The following PCNT variants were observed in gnomAD, a reference collection of about 807,000 sequenced individuals.
PCNT encodes pericentrin.
PCNT carries 319 observed loss-of-function variants against 380.4 expected under a neutral mutation model. That is an observed-to-expected ratio of 0.84 (90% CI 0.77 to 0.92). PCNT has a LOEUF of 0.92. PCNT is among the 40% of genes least tolerant of loss of function. The probability of loss-of-function intolerance (pLI) is 0.00; values close to 1 mark genes in which losing one functional copy is unlikely to be tolerated. For missense variants in PCNT, 4,400 were observed against 4,255.3 expected (o/e 1.03, Z -0.95); for synonymous variants, 1,845 against 1,735.2 (o/e 1.06, Z -1.57).
intron 10 of PCNT, among the ~76,000 whole-genome samples, chr21:46,353,751 T>TGTGTGTGTGTGTGTGA (rs59894003): frequency 1.9e-5 from 2 of 104,402 alleles, no homozygotes; most frequent in East Asian, 4.3e-4. Context: ...TGTGTGTGTG[T>TGTGTGTGTGTGTGTGA]GAGAGAGACA....
intron 24 of PCNT, among the ~76,000 whole-genome samples, 161 bp from the exon 25 acceptor site, chr21:46,399,429 G>GGGTCTCCCTGTGCAGCCTGTGGGTCTA (rs2086346841): frequency 1.9e-5 from 2 of 103,182 alleles, no homozygotes; most frequent in African/African-American, 8.8e-5. Context: ...CTTTGCGTCT[G>GGGTCTCCCTGTGCAGCCTGTGGGTCTA]GGTCTCCCTG....
At position 46,328,700 on chromosome 21, in the gene PCNT, A is replaced by G. The variant is rs553956518; in HGVS notation, c.267+2111A>G. 3.3e-3 allele frequency among the ~76,000 whole-genome samples: 496 copies of G among 151,616 alleles called. 4 individuals are homozygous for G. The Middle Eastern group carries it at 0.034, about 10-fold the overall frequency. ...GGTCTTCAACTCCTGACCTCAAGCA[A>G]TCCACCCACCTTGGCCTCCCAAAGT... On this transcript the variant is annotated intron_variant, in intron 2 of 46. Transcript: ENST00000359568.
intron 28 of PCNT, among the ~76,000 whole-genome samples, chr21:46,412,631 T>C (rs2086825293): frequency 1.3e-5 from 2 of 152,210 alleles, no homozygotes; most frequent in Admixed American, 6.5e-5. Context: ...GGGGTCGTCC[T>C]GGGTCGGGGC....
chr21:46,342,101 C>G (rs538250463), intron 3 of PCNT, among the ~76,000 whole-genome samples: 1 of 152,000 alleles, frequency 6.6e-6, no homozygotes, highest in African/African-American at 2.4e-5. Flanking sequence ...ACCGCCATGC[C>G]TGACTAATTT....
At chr21:46,353,039 C>A in intron 9 of PCNT, 65 bp from the exon 10 acceptor site, 2 of 1,343,080 alleles carry the variant, frequency 1.5e-6, no homozygotes, top group Non-Finnish European at 2.1e-6. Flanking sequence ...CAGGCTCTTG[C>A]CTCTCGCCTG....
At chr21:46,387,546 C>T (rs937270974) in intron 17 of PCNT, among the ~76,000 whole-genome samples, 6 of 152,152 alleles carry the variant, frequency 3.9e-5, no homozygotes, top group East Asian at 1.9e-4. Context: ...TGGCTGCAGA[C>T]GCCCTGATGC....
chr21:46,401,376 G>T (rs562524788), intron 25 of PCNT, among the ~76,000 whole-genome samples, 175 bp from the exon 26 acceptor site: 1 of 152,350 alleles, frequency 6.6e-6, no homozygotes, highest in Non-Finnish European at 1.5e-5. Flanking sequence ...TCTGCTGGGA[G>T]GTGGCTGGGT....
chr21:46,445,142 A>G, intron 46 of PCNT, 142 bp from the exon 47 acceptor site: 1 of 717,370 alleles, frequency 1.4e-6, no homozygotes, highest in Non-Finnish European at 2.5e-6. Context: ...CTTAAATATC[A>G]TAATTTAAAC....
At chr21:46,329,628 C>T (rs1168914101) in intron 2 of PCNT, among the ~76,000 whole-genome samples, 1 of 152,202 alleles carries the variant, frequency 6.6e-6, no homozygotes, top group East Asian at 1.9e-4. Context: ...GTGTCACCTC[C>T]TCGTGACCAC....
chr21:46,365,143 C>T (rs2084854088), intron 14 of PCNT, among the ~76,000 whole-genome samples: 1 of 152,196 alleles, frequency 6.6e-6, no homozygotes, highest in African/African-American at 2.4e-5. Flanking sequence ...TATTCATTCA[C>T]TGCCATGGGG....
In PCNT at chr21:46,326,435, C is replaced by CG. The variant is rs969636211; in HGVS notation, c.115dup (p.Ala39GlyfsTer38). On this transcript the variant is annotated frameshift_variant, in exon 2 of 47. Transcript: ENST00000359568. LOFTEE classifies it high-confidence loss of function. ...GACAGTTCGCATTCGGAGAAAAAGA[C>CG]GGCGAAGAGGAAGGGCTCGGCTGTC... is the stretch of plus-strand genomic sequence containing the variant. 6.2e-7 allele frequency: 1 copy of CG among 1,614,062 alleles called. No homozygotes were observed. Among genetic ancestry groups the CG allele is most frequent in the Admixed American group, 1.7e-5 (1 of 59,986 alleles).
At chr21:46,381,236 G>A (rs1202342336) in intron 15 of PCNT, among the ~76,000 whole-genome samples, 1 of 115,132 alleles carries the variant, frequency 8.7e-6, no homozygotes, top group Non-Finnish European at 1.8e-5. Context: ...GTGTGTGTGT[G>A]TGTGTGTGTA....
In PCNT at chr21:46,381,823, A is replaced by G. The variant is rs1301066507; in HGVS notation, c.3295A>G (p.Asn1099Asp). 6.2e-7 allele frequency: 1 copy of G among 1,614,116 alleles called. No homozygotes were observed. The highest frequency in any genetic ancestry group is 8.5e-7 in the Non-Finnish European group (1 of 1,180,044). ...TTTGTCTCTGCAGCTTCAAAAGAAG[A>G]ATCACCAAGTCCAGCAGGTGTGTGG... ...ESLSLQLQKK[N>D]HQVQQLKDQV... Residue 1099 changes from asparagine (N) to aspartate (D), a missense_variant, in exon 16 of 47, where the codon AAT (asparagine) becomes GAT (aspartate). By Grantham distance (23) the Asn-to-Asp change is conservative. Transcript: ENST00000359568.
At position 46,411,655 on chromosome 21, in the gene PCNT, C is replaced by T. The variant is rs373238616; in HGVS notation, c.5582C>T (p.Ala1861Val). 191 of 1,613,046 alleles carry T rather than the reference C, an allele frequency of 1.2e-4. No homozygotes were observed. Among genetic ancestry groups the T allele is most frequent in the Admixed American group, 3.0e-4 (18 of 60,022 alleles). The change falls in exon 28 of 47, where the codon GCG becomes GTG. Residue 1861 changes from alanine to valine, a missense_variant. Ala to Val is a moderately conservative substitution (Grantham distance 64). Coordinates refer to ENST00000359568, the MANE Select transcript of PCNT (RefSeq NM_006031.6). ...DMASRIQEFEAALKAKEATIA... is the reference protein window; with the variant it reads ...DMASRIQEFEVALKAKEATIA... ...GCCTCCCGGATCCAGGAGTTCGAAG[C>T]GGCCCTGAAAGCAAAGGAAGCGACG...
Position 46,416,383 on chromosome 21 carries a change from C to T in PCNT, c.6465C>T (p.Thr2155=). 6.2e-7 allele frequency: 1 copy of T among 1,614,106 alleles called. No homozygotes were observed. Among genetic ancestry groups the T allele is most frequent in the Non-Finnish European group, 8.5e-7 (1 of 1,179,986 alleles). Residue 2155 remains threonine, a synonymous_variant, in exon 30 of 47, where the codon ACC becomes ACT. Coordinates refer to ENST00000359568, the MANE Select transcript of PCNT (RefSeq NM_006031.6). ...TAGACGCGTGTGATGCCAATACAAC[C>T]CCAGGGGGTGTAACTGATGTTATCA... ...QAIDACDANT[T]PGGVTDVIKN...
rs1164423624 is a variant in PCNT at position 46,438,147 on chromosome 21, ATTTTC to A, written c.9100-10_9100-6del. On this transcript the variant is annotated splice_polypyrimidine_tract_variant and intron_variant, in intron 40 of 46. Coordinates refer to ENST00000359568, the MANE Select transcript of PCNT (RefSeq NM_006031.6). ...TTTAACAACAAATTCTTACAAATTT[ATTTTC>A]TTTTCTCCAAGAAAAAAATGGCAGC... The A allele has an allele frequency of 2.0e-5, 32 of 1,606,130 alleles. No homozygotes were observed. The highest frequency in any genetic ancestry group is 2.7e-5 in the Non-Finnish European group (32 of 1,173,378).
intron 15 of PCNT, among the ~76,000 whole-genome samples, chr21:46,375,292 G>A (rs1339488294): frequency 6.6e-6 from 1 of 152,070 alleles, no homozygotes; most frequent in Non-Finnish European, 1.5e-5. Flanking sequence ...CTATTCATAG[G>A]TTAATTATTT....
In PCNT at chr21:46,346,971, G is replaced by A. The variant is rs1569178218; in HGVS notation, c.949G>A (p.Val317Met). Residue 317 changes from valine to methionine, a missense_variant, in exon 5 of 47, where the codon GTG becomes ATG. Transcript: ENST00000359568. The part of the protein sequence containing the change: ...REQHAREKEE[V>M]VLRCGQEAAE... ...GCAGCACGCACGGGAGAAGGAGGAG[G>A]TGGTGCTCAGGTGTGGACAGGAAGC... is the stretch of plus-strand genomic sequence containing the variant. 1 of 1,596,498 alleles carries A rather than the reference G, an allele frequency of 6.3e-7. No homozygotes were observed. Among genetic ancestry groups the A allele is most frequent in the Non-Finnish European group, 8.5e-7 (1 of 1,173,824 alleles).
At chr21:46,410,090 GTGCC>G (rs1250929020) in intron 27 of PCNT, among the ~76,000 whole-genome samples, 1 of 152,260 alleles carries the variant, frequency 6.6e-6, no homozygotes, top group African/African-American at 2.4e-5. Context: ...ATTCCTTCGC[GTGCC>G]TGTAGAGTAC....
Sources: gnomAD v4.1 joint callset for allele counts (sites outside exome capture counted in the v4.1 genomes callset) on GRCh38, gnomAD v4.1.1 for gene constraint, MANE v1.5 for transcripts, NCBI Gene and HGNC (gene_info 2026-07-23, HGNC 2026-07-21) for gene names.